The following RAP1GAP2 variants were observed in gnomAD, a reference collection of about 807,000 sequenced individuals.
RAP1GAP2 encodes the protein rap1 GTPase-activating protein 2.
RAP1GAP2 carries 27 observed loss-of-function variants against 95.0 expected under a neutral mutation model. The observed-to-expected ratio is 0.28, with a 90% CI of 0.21 to 0.39. The LOEUF is 0.39. Ranked by LOEUF, RAP1GAP2 falls within the 10% of genes least tolerant of loss-of-function variation. The pLI, the probability that RAP1GAP2 is intolerant of heterozygous loss-of-function variation, is 1.00. For missense variants in RAP1GAP2, 771 were observed against 970.0 expected (o/e 0.79, Z 2.72); for synonymous variants, 373 against 380.9 (o/e 0.98, Z 0.24).
chr17:2,800,658 G>C, intron 2 of RAP1GAP2, 108 bp downstream of exon 2: 1 of 1,204,408 alleles, frequency 8.3e-7, no homozygotes, highest in Non-Finnish European at 1.2e-6. Context: ...TGTCGTGTTT[G>C]TCAGATTCCA....
intron 3 of RAP1GAP2, among the ~76,000 whole-genome samples, chr17:2,940,573 CTG>C (rs1235994425): frequency 6.6e-6 from 1 of 152,198 alleles, no homozygotes; most frequent in Non-Finnish European, 1.5e-5. Context: ...TCTGGGGACT[CTG>C]TGTCCTGTCA....
intron 2 of RAP1GAP2, among the ~76,000 whole-genome samples, chr17:2,899,446 C>T (rs1351174703): frequency 6.6e-6 from 1 of 152,006 alleles, no homozygotes; most frequent in African/African-American, 2.4e-5. Flanking sequence ...CTCCTGACCT[C>T]GTGATCCGCC....
rs917540694 is a variant in RAP1GAP2 at position 2,891,814 on chromosome 17, C to CTT, written c.81-13445_81-13444dup. On this transcript the variant is annotated intron_variant, in intron 2 of 24. Transcript: ENST00000254695. ...TGATATGCAGATTCATATTTCTTTT[C>CTT]TTTTTTTTTTTTTTTTTTTTTTTTT... Among the ~76,000 whole-genome samples the CTT allele has an allele frequency of 8.5e-3, 462 of 54,284 alleles. 64 individuals carry two copies. The highest frequency in any genetic ancestry group is 0.013 in the Non-Finnish European group (363 of 27,398). The allele number at this position is 54,284 out of a possible 152,430, so 35.6% of individuals were successfully genotyped here. A position where few individuals can be genotyped will look rare whatever the true frequency, so the allele number is the denominator to read the frequency against.
At chr17:2,962,527 A>T (rs1456067195) in intron 4 of RAP1GAP2, 143 bp from the exon 5 acceptor site, 1 of 802,430 alleles carries the variant, frequency 1.2e-6, no homozygotes, top group Non-Finnish European at 1.9e-6. Context: ...GCCCCTGGCC[A>T]GGTGTGATGT....
At chr17:2,928,553 C>T (rs1219515480) in intron 3 of RAP1GAP2, among the ~76,000 whole-genome samples, 2 of 152,130 alleles carry the variant, frequency 1.3e-5, no homozygotes. Flanking sequence ...AGGTGACCTG[C>T]CTGGCATGGA....
chr17:2,773,838 A>G (rs371040075), upstream of RAP1GAP2, among the ~76,000 whole-genome samples: 8 of 151,332 alleles, frequency 5.3e-5, no homozygotes, highest in East Asian at 1.2e-3. Flanking sequence ...GCTCACTGCA[A>G]CCTCCGCCTC....
intron 2 of RAP1GAP2, among the ~76,000 whole-genome samples, chr17:2,901,576 C>T (rs185660660): frequency 1.8e-4 from 28 of 152,328 alleles, no homozygotes; most frequent in Admixed American, 5.9e-4. Context: ...AAGAAGTTGT[C>T]ACCTCGGCTA....
intron 3 of RAP1GAP2, among the ~76,000 whole-genome samples, chr17:2,927,214 C>G (rs1413649795): frequency 6.6e-6 from 1 of 151,052 alleles, no homozygotes; most frequent in Non-Finnish European, 1.5e-5. Context: ...AGTGCAGTGG[C>G]GCGATCTCGG....
intron 2 of RAP1GAP2, among the ~76,000 whole-genome samples, chr17:2,845,086 G>C (rs781208619): frequency 6.6e-6 from 1 of 152,182 alleles, no homozygotes; most frequent in African/African-American, 2.4e-5. Context: ...CACATGTATG[G>C]CACTGACTAC....
intron 1 of RAP1GAP2, among the ~76,000 whole-genome samples, chr17:2,789,378 G>A (rs769120602): frequency 5.3e-5 from 8 of 152,082 alleles, no homozygotes; most frequent in Non-Finnish European, 8.8e-5. Flanking sequence ...TATCTGATGG[G>A]TAAAAGTGAT....
intron 3 of RAP1GAP2, among the ~76,000 whole-genome samples, chr17:2,925,512 G>A (rs189833764): frequency 5.9e-5 from 9 of 152,244 alleles, no homozygotes; most frequent in South Asian, 4.1e-4. Flanking sequence ...CGAGAACAGC[G>A]TGGGGAAAAC....
At chr17:2,885,090 G>C (rs1335002034) in intron 2 of RAP1GAP2, among the ~76,000 whole-genome samples, 1 of 139,390 alleles carries the variant, frequency 7.2e-6, no homozygotes, top group Non-Finnish European at 1.5e-5. Context: ...CTGGAGTACA[G>C]TGGCACGATC....
intron 3 of RAP1GAP2, among the ~76,000 whole-genome samples, chr17:2,916,836 C>A (rs543017364): frequency 1.3e-5 from 2 of 152,210 alleles, no homozygotes; most frequent in Non-Finnish European, 2.9e-5. Context: ...CCCAGAGTAG[C>A]TGGCTCATCA....
chr17:2,907,089 G>T (rs1480527908), intron 3 of RAP1GAP2, among the ~76,000 whole-genome samples: 1 of 116,900 alleles, frequency 8.6e-6, no homozygotes, highest in African/African-American at 3.8e-5. Flanking sequence ...GAAAAGAAAA[G>T]TATTTTTTTC....
In RAP1GAP2 at chr17:2,904,634, C is replaced by G. The variant is rs931478684; in HGVS notation, c.81-650C>G. On this transcript the variant is annotated intron_variant, in intron 2 of 24. Transcript: ENST00000254695. This position sits in a 1 kb window ranked among gnomAD's most constrained non-coding sequence, Gnocchi z 4.7. The stretch of plus-strand genomic sequence containing the variant: ...TCCCCTCCTCTTCTCACACCCAGCC[C>G]CAGTCCTGGATCTCTTTAGCCCCGT... Among the ~76,000 whole-genome samples, 5 of 151,116 alleles carry G rather than the reference C, an allele frequency of 3.3e-5. No homozygotes were observed. Among genetic ancestry groups the G allele is most frequent in the African/African-American group, 9.7e-5 (4 of 41,110 alleles).
intron 2 of RAP1GAP2, among the ~76,000 whole-genome samples, chr17:2,873,411 G>T (rs1305435949): frequency 7.0e-6 from 1 of 143,632 alleles, no homozygotes; most frequent in East Asian, 2.1e-4. Flanking sequence ...GGAGGCGGAG[G>T]TTGCAATGAG....
chr17:2,755,766 T>C (rs1355303968), exon 1 of RAP1GAP2: 3 of 355,416 alleles, frequency 8.4e-6, no homozygotes, highest in African/African-American at 4.3e-5. Flanking sequence ...GCTGGTGCGC[T>C]GGTGAGTGGG....
chr17:2,915,898 C>G (rs1207204504), intron 3 of RAP1GAP2, among the ~76,000 whole-genome samples: 1 of 152,068 alleles, frequency 6.6e-6, no homozygotes, highest in Non-Finnish European at 1.5e-5. Flanking sequence ...CGGGGTTTCA[C>G]CACGTTGGCC....
At chr17:2,908,802 G>A (rs979745767) in intron 3 of RAP1GAP2, among the ~76,000 whole-genome samples, 1 of 152,002 alleles carries the variant, frequency 6.6e-6, no homozygotes, top group Admixed American at 6.6e-5. Context: ...GCAACCTCGG[G>A]CTCAAGGATC....
Sources: allele counts gnomAD v4.1 joint callset (sites outside exome capture counted in the v4.1 genomes callset), GRCh38; gene constraint gnomAD v4.1.1; non-coding constraint Gnocchi (gnomAD v3.1); transcripts MANE v1.5; gene names NCBI Gene and HGNC (gene_info 2026-07-23, HGNC 2026-07-21).